Variants in RAD51 observed in about 807,000 individuals in gnomAD.
RAD51 encodes DNA repair protein RAD51 homolog 1.
A neutral mutation model predicts 41.5 loss-of-function variants in RAD51; 14 were observed. The observed-to-expected ratio is 0.34, with a 90% CI of 0.22 to 0.53. RAD51 has a LOEUF of 0.53. Among genes scored for constraint, RAD51 ranks in the 20% least tolerant of loss-of-function variants. The pLI is 0.95. For missense variants in RAD51, 234 were observed against 422.0 expected, an observed-to-expected ratio of 0.55 and a Z score of 3.90; for synonymous variants, 136 against 148.6, an observed-to-expected ratio of 0.92 and a Z score of 0.62.
At chr15:40,729,370 C>T in intron 7 of RAD51, 135 bp from the exon 8 acceptor site, 4 of 785,614 alleles carry the variant, frequency 5.1e-6, no homozygotes, top group Non-Finnish European at 7.1e-6. Context: ...TAGACTCCAT[C>T]TCAAAAAAAA....
At chr15:40,724,160 C>T (rs1026623679) in intron 6 of RAD51, among the ~76,000 whole-genome samples, 3 of 152,114 alleles carry the variant, frequency 2.0e-5, no homozygotes, top group African/African-American at 7.2e-5. Flanking sequence ...TTTGTCTCTG[C>T]CTACAAAATT....
intron 6 of RAD51, among the ~76,000 whole-genome samples, chr15:40,724,129 T>C (rs1475732278): frequency 2.6e-5 from 4 of 152,178 alleles, no homozygotes; most frequent in Non-Finnish European, 1.5e-5. Context: ...TAAAATTAGG[T>C]TGGAATGGTA....
chr15:40,729,136 G>A (rs560555039), intron 7 of RAD51, among the ~76,000 whole-genome samples: 2 of 152,220 alleles, frequency 1.3e-5, no homozygotes, highest in East Asian at 3.9e-4. Context: ...ACTTTGGGAG[G>A]CCAAGGCGGG....
chr15:40,704,510 C>T (rs7162253), intron 3 of RAD51, among the ~76,000 whole-genome samples: 1,685 of 147,796 alleles, frequency 0.011, 35 homozygotes, highest in African/African-American at 0.039. Context: ...TACAGGCGCA[C>T]GCCACCACGC....
At position 40,703,131 on chromosome 15, in the gene RAD51, T is replaced by C. The variant is rs117520970; in HGVS notation, c.225+1930T>C. 1.6e-4 allele frequency among the ~76,000 whole-genome samples: 24 copies of C among 152,346 alleles called. No individual in the cohort carries two copies. The East Asian group carries it at 4.2e-3, about 27-fold the overall frequency. ...TGTACTATAGTTATTTTGTATAGTT[T>C]ATCTTTCTGATTAAGTTATAAGCTC... On this transcript the variant is annotated intron_variant, in intron 3 of 9. Coordinates refer to ENST00000267868, the MANE Select transcript of RAD51 (RefSeq NM_002875.5).
In RAD51 at chr15:40,698,853, G is replaced by A; in HGVS notation, c.87+8G>A. The stretch of plus-strand genomic sequence containing the variant: ...CCCATTTCACGGTTAGAGGTATGTG[G>A]TTAGTTGCTAATTTTGGAATTATAT... On this transcript the variant is annotated splice_region_variant and intron_variant, in intron 2 of 9. Coordinates refer to ENST00000267868, the MANE Select transcript of RAD51 (RefSeq NM_002875.5). 2 of 1,612,440 alleles carry A rather than the reference G, an allele frequency of 1.2e-6. No homozygotes were observed. The highest frequency in any genetic ancestry group is 1.7e-6 in the Non-Finnish European group (2 of 1,178,440).
chr15:40,698,196 G>GTT lies in RAD51; in HGVS notation c.-2-551_-2-550dup, dbSNP rs554059347. 3.1e-4 allele frequency among the ~76,000 whole-genome samples: 40 copies of GTT among 128,442 alleles called. 1 individual carries two copies. Among genetic ancestry groups the GTT allele is most frequent in the African/African-American group, 1.1e-3 (38 of 35,842 alleles). 84.3% of individuals were successfully genotyped at this position (128,442 alleles called of 152,430 possible). ...GTATGAGATGAACTTTTTTTTTTTTGTTTTTTTTTTTGAGACACAGTCTCA... is the reference window on the plus strand; with the variant it reads ...GTATGAGATGAACTTTTTTTTTTTTGTTTTTTTTTTTTTGAGACACAGTCTCA... On this transcript the variant is annotated intron_variant, in intron 1 of 9. Transcript: ENST00000267868.
chr15:40,698,214 C>T (rs1894773164), intron 1 of RAD51, among the ~76,000 whole-genome samples: 1 of 149,164 alleles, frequency 6.7e-6, no homozygotes, highest in South Asian at 2.1e-4. Context: ...TTTTGAGACA[C>T]AGTCTCACTC....
At chr15:40,725,539 G>A (rs1896537792) in intron 6 of RAD51, among the ~76,000 whole-genome samples, 1 of 152,172 alleles carries the variant, frequency 6.6e-6, no homozygotes, top group Admixed American at 6.5e-5. Context: ...TAGCCCACAT[G>A]CATGTTACTG....
At chr15:40,706,823 T>C (rs1432356453) in intron 4 of RAD51, among the ~76,000 whole-genome samples, 1 of 152,224 alleles carries the variant, frequency 6.6e-6, no homozygotes, top group African/African-American at 2.4e-5. Flanking sequence ...CATTTAATAT[T>C]GTGTTAAGAG....
intron 2 of RAD51, 91 bp from the exon 3 acceptor site, chr15:40,700,973 A>G: frequency 3.9e-6 from 6 of 1,528,258 alleles, no homozygotes; most frequent in Non-Finnish European, 5.4e-6. Context: ...CAAGTCTTCA[A>G]GCACCTCTGT....
At chr15:40,708,865 C>T (rs139368465) in intron 4 of RAD51, among the ~76,000 whole-genome samples, 160 bp from the exon 5 acceptor site, 3 of 152,352 alleles carry the variant, frequency 2.0e-5, no homozygotes, top group Admixed American at 6.5e-5. Flanking sequence ...TGAGCCACCA[C>T]GGCTAGCCTC....
chr15:40,721,348 G>A (rs1218100682), intron 6 of RAD51, among the ~76,000 whole-genome samples: 1 of 152,086 alleles, frequency 6.6e-6, no homozygotes, highest in Non-Finnish European at 1.5e-5. Context: ...GGAAAAAAAA[G>A]AAAATTTGAG....
chr15:40,714,741 C>G (rs6492961), intron 5 of RAD51, among the ~76,000 whole-genome samples: 75,527 of 152,138 alleles, frequency 0.5, 19,618 homozygotes, highest in East Asian at 0.77. Context: ...ATTATCTACT[C>G]TCATTTGTTT....
At chr15:40,718,672 C>T in intron 5 of RAD51, 133 bp from the exon 6 acceptor site, 1 of 770,732 alleles carries the variant, frequency 1.3e-6, no homozygotes, top group Non-Finnish European at 2.3e-6. Context: ...GGGAATGCCT[C>T]CTTCCTACCA....
In RAD51 at chr15:40,731,295, G is replaced by A. The variant is rs1318071857; in HGVS notation, c.*117G>A. ...TTGTGACTGCCAGGATAAAGCTTCCGGGAAAACAGCTATTATATCAGCTTT... is the reference window on the plus strand; with the variant it reads ...TTGTGACTGCCAGGATAAAGCTTCCAGGAAAACAGCTATTATATCAGCTTT... On this transcript the variant is annotated 3_prime_UTR_variant, in exon 10 of 10. Transcript: ENST00000267868. The A allele has an allele frequency of 7.9e-6, 11 of 1,385,424 alleles. No individual in the cohort carries two copies. The highest frequency in any genetic ancestry group is 1.4e-5 in the African/African-American group (1 of 70,116). 85.8% of individuals were successfully genotyped at this position (1,385,424 alleles called of 1,614,324 possible).
chr15:40,713,316 C>G (rs1307428200), intron 5 of RAD51, among the ~76,000 whole-genome samples: 1 of 147,304 alleles, frequency 6.8e-6, no homozygotes, highest in Non-Finnish European at 1.5e-5. Flanking sequence ...GCAATCTTGG[C>G]TCACTGCAAC....
At chr15:40,716,154 G>A (rs536034179) in intron 5 of RAD51, among the ~76,000 whole-genome samples, 3 of 152,210 alleles carry the variant, frequency 2.0e-5, no homozygotes, top group Admixed American at 1.3e-4. Context: ...CGTGCTAAAC[G>A]CTTTACATGA....
At chr15:40,699,007 A>G (rs1256213099) in intron 2 of RAD51, among the ~76,000 whole-genome samples, 162 bp downstream of exon 2, 1 of 152,190 alleles carries the variant, frequency 6.6e-6, no homozygotes, top group Admixed American at 6.6e-5. Flanking sequence ...GCTGCAGATC[A>G]TTGCTAAATA....
Sources: allele counts gnomAD v4.1 joint callset (sites outside exome capture counted in the v4.1 genomes callset), GRCh38; gene constraint gnomAD v4.1.1; transcripts MANE v1.5; gene names NCBI Gene and HGNC (gene_info 2026-07-23, HGNC 2026-07-21).